Variants in KSR2 observed in about 807,000 individuals in gnomAD.
KSR2 encodes kinase suppressor of ras 2.
A neutral mutation model predicts 107.8 loss-of-function variants in KSR2; 25 were observed. That is an observed-to-expected ratio of 0.23 (90% confidence interval 0.17 to 0.32). KSR2 has a LOEUF of 0.32. KSR2 is among the 10% of genes least tolerant of loss of function. The probability of loss-of-function intolerance (pLI) is 1.00; values close to 1 mark genes in which losing one functional copy is unlikely to be tolerated. For missense variants in KSR2, 887 were observed against 1,268.9 expected (o/e 0.70, Z 4.57); for synonymous variants, 480 against 507.0 (o/e 0.95, Z 0.71).
intron 9 of KSR2, among the ~76,000 whole-genome samples, chr12:117,549,995 C>T (rs186942563): frequency 1.5e-4 from 23 of 152,306 alleles, no homozygotes; most frequent in Middle Eastern, 3.4e-3. Context: ...TGTGTCTGAA[C>T]GGGACCAGCA....
chr12:117,767,839 G>C (rs1889298720), intron 3 of KSR2, among the ~76,000 whole-genome samples: 1 of 151,532 alleles, frequency 6.6e-6, no homozygotes, highest in African/African-American at 2.4e-5. Flanking sequence ...GTGAAGGGAG[G>C]ACTTCCCAGG....
chr12:117,587,587 GT>G (rs1880080482), intron 5 of KSR2, among the ~76,000 whole-genome samples: 2 of 152,284 alleles, frequency 1.3e-5, no homozygotes, highest in East Asian at 3.9e-4. Context: ...CAGCCGCTGA[GT>G]TGGTGGCCGT....
At chr12:117,498,585 G>C (rs1873182467) in intron 14 of KSR2, among the ~76,000 whole-genome samples, 1 of 152,062 alleles carries the variant, frequency 6.6e-6, no homozygotes, top group Non-Finnish European at 1.5e-5. Context: ...AGCTCGGGAG[G>C]GCTGTGTTTC....
intron 4 of KSR2, among the ~76,000 whole-genome samples, chr12:117,734,143 T>G (rs1028090699): frequency 1.3e-5 from 2 of 152,060 alleles, no homozygotes; most frequent in African/African-American, 4.8e-5. Flanking sequence ...TAGTTGGGCA[T>G]GGTGGCGTGT....
In KSR2 at chr12:117,506,081, C is replaced by G. The variant is rs192354781; in HGVS notation, c.2219+18771G>C. Among the ~76,000 whole-genome samples the G allele has an allele frequency of 1.5e-4, 23 of 152,296 alleles. No homozygotes were observed. In the East Asian group the frequency reaches 4.4e-3, roughly 29 times the overall value. ...TGGCTATGTTTGATGAATGACTGGA[C>G]AAGTGAATGAATGGATACACAAATT... On this transcript the variant is annotated intron_variant, in intron 14 of 19. Coordinates refer to ENST00000339824, the MANE Select transcript of KSR2 (RefSeq NM_173598.6).
At chr12:117,539,997 T>C (rs1876366020) in intron 9 of KSR2, 110 bp from the exon 10 acceptor site, 1 of 899,296 alleles carries the variant, frequency 1.1e-6, no homozygotes, top group Non-Finnish European at 1.7e-6. Context: ...GCAACAATTC[T>C]TGCCCTTTCC....
intron 14 of KSR2, among the ~76,000 whole-genome samples, chr12:117,487,135 A>T (rs1872509167): frequency 6.6e-6 from 1 of 152,238 alleles, no homozygotes; most frequent in Non-Finnish European, 1.5e-5. Flanking sequence ...AGTACATTTC[A>T]TGGTAACTTT....
intron 3 of KSR2, among the ~76,000 whole-genome samples, chr12:117,803,383 G>A (rs377333816): frequency 7.9e-5 from 12 of 152,146 alleles, no homozygotes; most frequent in South Asian, 2.1e-4. Context: ...ATGTACCCCC[G>A]ACCCCATGCT....
In KSR2 at chr12:117,539,834, C is replaced by T. The variant is rs185747543; in HGVS notation, c.1572G>A (p.Thr524=). ...QPDSSSNPSS[T]TSSTPSSPAP... is the part of the protein sequence containing the mutation. ...CTGGCGAGGAGGGCGTGGAGGACGTCGTGGAGGAGGGGTTGCTGCTGGAGT... is the reference window on the plus strand; with the variant it reads ...CTGGCGAGGAGGGCGTGGAGGACGTTGTGGAGGAGGGGTTGCTGCTGGAGT... Residue 524 remains threonine, a synonymous_variant, in exon 10 of 20, where the codon ACG becomes ACA. Transcript: ENST00000339824. 9.9e-4 allele frequency: 1,591 copies of T among 1,610,176 alleles called. 14 individuals are homozygous for T. The African/African-American group carries it at 0.019, about 19-fold the overall frequency.
At chr12:117,682,801 G>A (rs181106927) in intron 4 of KSR2, among the ~76,000 whole-genome samples, 80 of 152,228 alleles carry the variant, frequency 5.3e-4, no homozygotes, top group African/African-American at 1.8e-3. Context: ...GAACAAGAAC[G>A]GCAGCAAGAA....
chr12:117,598,638 A>T (rs1417604595), intron 5 of KSR2, among the ~76,000 whole-genome samples: 1 of 151,892 alleles, frequency 6.6e-6, no homozygotes. Flanking sequence ...TTATTTTTTA[A>T]TTTTTTTATT....
At chr12:117,812,190 T>C (rs773944745) in intron 3 of KSR2, among the ~76,000 whole-genome samples, 7 of 152,196 alleles carry the variant, frequency 4.6e-5, no homozygotes, top group Non-Finnish European at 8.8e-5. Context: ...ACTTGAAACA[T>C]AGCTAACCAA....
intron 4 of KSR2, among the ~76,000 whole-genome samples, chr12:117,699,562 T>C (rs1886216259): frequency 6.6e-6 from 1 of 152,196 alleles, no homozygotes; most frequent in Non-Finnish European, 1.5e-5. Flanking sequence ...TGCAATGTAA[T>C]TATTTGTGTA....
At position 117,584,267 on chromosome 12, in the gene KSR2, C is replaced by T. The variant is rs964973199; in HGVS notation, c.1172-1908G>A. ...CGATTTCTGAGGGAAATAGAAAAGA[C>T]AAGAGAAAAAAAAATTTTTAAGAGA... On this transcript the variant is annotated intron_variant, in intron 5 of 19. Coordinates refer to ENST00000339824, the MANE Select transcript of KSR2 (RefSeq NM_173598.6). 1.6e-4 allele frequency among the ~76,000 whole-genome samples: 24 copies of T among 151,766 alleles called. 1 individual carries two copies. The highest frequency in any genetic ancestry group is 8.5e-4 in the Admixed American group (13 of 15,266).
At chr12:117,841,618 T>A (rs986789282) in intron 3 of KSR2, among the ~76,000 whole-genome samples, 1 of 152,188 alleles carries the variant, frequency 6.6e-6, no homozygotes, top group Non-Finnish European at 1.5e-5. Context: ...AAAGGGTTGC[T>A]CCCTCAAGCT....
Position 117,893,907 on chromosome 12 carries a change from CTTTT to C in KSR2, c.181-33480_181-33477del, listed in dbSNP as rs56095185. Among the ~76,000 whole-genome samples the C allele has an allele frequency of 4.0e-3, 521 of 129,284 alleles. 7 individuals carry two copies. The East Asian group carries it at 0.051, about 13-fold the overall frequency. The allele number at this position is 129,284 out of a possible 152,430, so 84.8% of individuals were successfully genotyped here. On this transcript the variant is annotated intron_variant, in intron 1 of 19. Transcript: ENST00000339824. ...AGAAAAATCCACAAAGAACAAAATT[CTTTT>C]TTTTTTTTTTTTTTTTGAGACGGAG...
chr12:117,901,772 G>A (rs11068727), intron 1 of KSR2, among the ~76,000 whole-genome samples: 21,594 of 152,002 alleles, frequency 0.14, 2,058 homozygotes, highest in East Asian at 0.48. Context: ...CTAGACCTGC[G>A]AGGCCATCAC....
intron 4 of KSR2, among the ~76,000 whole-genome samples, chr12:117,753,953 TG>T (rs1888698119): frequency 2.4e-5 from 1 of 41,146 alleles, no homozygotes; most frequent in African/African-American, 6.4e-5. Flanking sequence ...AGAGCGTGTG[TG>T]TGTGTGTGTG....
At chr12:117,745,272 T>C (rs559295011) in intron 4 of KSR2, among the ~76,000 whole-genome samples, 1 of 152,270 alleles carries the variant, frequency 6.6e-6, no homozygotes, top group South Asian at 2.1e-4. Flanking sequence ...AATGGGACTT[T>C]CAGGACTAAA....
Sources: allele counts gnomAD v4.1 joint callset (sites outside exome capture counted in the v4.1 genomes callset), GRCh38; gene constraint gnomAD v4.1.1; transcripts MANE v1.5; gene names NCBI Gene and HGNC (gene_info 2026-07-23, HGNC 2026-07-21).